The following TBC1D19 variants were observed in gnomAD, a reference collection of about 807,000 sequenced individuals.
The protein encoded by TBC1D19 is TBC1 domain family member 19, also known as TBC1 domain family, member 19.
In TBC1D19, 60 loss-of-function variants were observed where a neutral mutation model predicts 89.0. The observed-to-expected ratio is 0.67, with a 90% CI of 0.55 to 0.84. The LOEUF (loss-of-function observed/expected upper bound fraction) is 0.84. Ranked by LOEUF, TBC1D19 falls within the 40% of genes least tolerant of loss-of-function variation. TBC1D19 has a pLI of 0.00. For synonymous variants in TBC1D19, 189 were observed against 199.7 expected (o/e 0.95, Z 0.45); for missense variants, 500 against 610.8 (o/e 0.82, Z 1.91).
At chr4:26,659,280 A>G (rs576126648) in intron 7 of TBC1D19, among the ~76,000 whole-genome samples, 1 of 152,248 alleles carries the variant, frequency 6.6e-6, no homozygotes, top group African/African-American at 2.4e-5. Flanking sequence ...TCTCTGGTAA[A>G]GTGTTATAAT....
At chr4:26,708,957 G>T (rs937170932) in intron 13 of TBC1D19, among the ~76,000 whole-genome samples, 1 of 149,940 alleles carries the variant, frequency 6.7e-6, no homozygotes, top group Non-Finnish European at 1.5e-5. Context: ...CTGCCATCAG[G>T]TCTTTTTCAA....
chr4:26,706,070 G>A (rs939490199), intron 13 of TBC1D19, among the ~76,000 whole-genome samples: 1 of 152,042 alleles, frequency 6.6e-6, no homozygotes, highest in African/African-American at 2.4e-5. Context: ...ACATCACCAT[G>A]CCCAGATCAA....
intron 1 of TBC1D19, chr4:26,585,191 G>A (rs1353209447): frequency 2.2e-6 from 1 of 447,948 alleles, no homozygotes; most frequent in East Asian, 7.2e-5. Flanking sequence ...TATGGTAAGT[G>A]TAATGTTTCA....
chr4:26,593,698 C>T (rs912421881), intron 1 of TBC1D19, among the ~76,000 whole-genome samples: 4 of 152,060 alleles, frequency 2.6e-5, no homozygotes, highest in Admixed American at 1.3e-4. Flanking sequence ...CAGACACTTC[C>T]CAAAAGAAGA....
At chr4:26,699,822 T>C (rs941363441) in intron 13 of TBC1D19, among the ~76,000 whole-genome samples, 3 of 150,050 alleles carry the variant, frequency 2.0e-5, no homozygotes, top group Non-Finnish European at 4.4e-5. Context: ...ATGAGAACAC[T>C]TGGACACAGG....
the TBC1D19 span, among the ~76,000 whole-genome samples, chr4:26,856,519 T>C: frequency 6.6e-6 from 1 of 152,212 alleles, no homozygotes; most frequent in Non-Finnish European, 1.5e-5. Flanking sequence ...GATCATATGA[T>C]AATTCTATTC....
intron 13 of TBC1D19, among the ~76,000 whole-genome samples, chr4:26,696,446 C>G (rs1188463098): frequency 5.3e-5 from 8 of 152,174 alleles, no homozygotes; most frequent in Non-Finnish European, 1.0e-4. Context: ...TTAGACAGAT[C>G]AACCAGACAG....
At position 26,584,286 on chromosome 4, in the gene TBC1D19, G is replaced by A. The variant is rs779212636; in HGVS notation, c.93G>A (p.Gln31=). Residue 31 remains glutamine, a synonymous_variant, in exon 1 of 21, where the codon CAG becomes CAA. Coordinates refer to ENST00000264866, the MANE Select transcript of TBC1D19 (RefSeq NM_018317.4). ...GSNLYSQLER[Q]AWASLQRPEI... is the part of the protein sequence containing the mutation. ...ATTTGTACTCTCAGCTGGAACGGCA[G>A]GCCTGGGTAAGTGAGGCCGAGTGGG... 6.2e-7 allele frequency: 1 copy of A among 1,609,450 alleles called. No individual in the cohort carries two copies. Among genetic ancestry groups the A allele is most frequent in the Non-Finnish European group, 8.5e-7 (1 of 1,178,322 alleles).
intron 1 of TBC1D19, among the ~76,000 whole-genome samples, chr4:26,577,843 C>T (rs771780591): frequency 3.9e-5 from 6 of 152,088 alleles, no homozygotes; most frequent in East Asian, 1.9e-4. Flanking sequence ...TTCTGGATGT[C>T]GCATTGTTAA....
At chr4:26,652,085 CT>C (rs1560446955) in intron 7 of TBC1D19, among the ~76,000 whole-genome samples, 2 of 152,088 alleles carry the variant, frequency 1.3e-5, no homozygotes, top group East Asian at 3.9e-4. Flanking sequence ...GGTGGATAAG[CT>C]TTTTGATGTG....
At chr4:26,699,221 T>G (rs1165060751) in intron 13 of TBC1D19, among the ~76,000 whole-genome samples, 1 of 152,162 alleles carries the variant, frequency 6.6e-6, no homozygotes, top group Non-Finnish European at 1.5e-5. Flanking sequence ...CAGACACTTC[T>G]CAAAAGAAGA....
intron 10 of TBC1D19, among the ~76,000 whole-genome samples, chr4:26,673,446 T>TACACACACACACACACACACACACAC (rs61054571): frequency 2.2e-5 from 2 of 90,884 alleles, no homozygotes; most frequent in African/African-American, 8.5e-5. Flanking sequence ...TATATATATA[T>TACACACACACACACACACACACACAC]ACACACACAC....
chr4:26,807,575 T>C, the TBC1D19 span, among the ~76,000 whole-genome samples: 9 of 152,178 alleles, frequency 5.9e-5, no homozygotes, highest in African/African-American at 2.2e-4. Context: ...CCAAAATATA[T>C]TTCCTACTAG....
the TBC1D19 span, among the ~76,000 whole-genome samples, chr4:26,811,048 A>G: frequency 6.6e-6 from 1 of 152,242 alleles, no homozygotes; most frequent in Non-Finnish European, 1.5e-5. Flanking sequence ...ATAAAGACAC[A>G]TGCACACATA....
the TBC1D19 span, among the ~76,000 whole-genome samples, chr4:26,847,136 A>G: frequency 6.6e-6 from 1 of 152,230 alleles, no homozygotes; most frequent in Non-Finnish European, 1.5e-5. Flanking sequence ...TCCACCAAAT[A>G]GTAACTGAAT....
intron 1 of TBC1D19, among the ~76,000 whole-genome samples, chr4:26,597,446 C>T (rs1207517631): frequency 6.7e-6 from 1 of 149,814 alleles, no homozygotes; most frequent in Non-Finnish European, 1.5e-5. Context: ...TTTTCACCTT[C>T]TTTGTGACTG....
intron 4 of TBC1D19, among the ~76,000 whole-genome samples, chr4:26,624,476 C>T (rs1055420492): frequency 8.5e-5 from 13 of 152,136 alleles, no homozygotes; most frequent in African/African-American, 3.1e-4. Context: ...TCCCAAAGTG[C>T]TGGGATTACA....
chr4:26,827,550 G>A, the TBC1D19 span, among the ~76,000 whole-genome samples: 1 of 152,178 alleles, frequency 6.6e-6, no homozygotes, highest in Non-Finnish European at 1.5e-5. Flanking sequence ...GTTGCAGTGA[G>A]CCAAGATTGC....
intron 19 of TBC1D19, among the ~76,000 whole-genome samples, chr4:26,749,469 G>T (rs1718833220): frequency 7.6e-6 from 1 of 131,536 alleles, no homozygotes; most frequent in Non-Finnish European, 1.6e-5. Flanking sequence ...TTTTTTTTGA[G>T]ACACTCTTAC....
Sources: gnomAD v4.1 joint callset for allele counts (sites outside exome capture counted in the v4.1 genomes callset) on GRCh38, gnomAD v4.1.1 for gene constraint, MANE v1.5 for transcripts, NCBI Gene and HGNC (gene_info 2026-07-23, HGNC 2026-07-21) for gene names.